The following CADPS variants were observed in gnomAD, a reference collection of about 807,000 sequenced individuals.
CADPS encodes the protein calcium-dependent secretion activator 1.
A neutral mutation model predicts 167.3 loss-of-function variants in CADPS; 57 were observed. The ratio of observed to expected loss-of-function variants is 0.34; its 90% CI spans 0.28 to 0.42. The LOEUF (loss-of-function observed/expected upper bound fraction) is 0.42, where lower values mean the gene tolerates loss of function less well. CADPS is among the 20% of genes least tolerant of loss of function. The pLI, the probability that CADPS is intolerant of heterozygous loss-of-function variation, is 1.00. For missense variants in CADPS, 1,414 were observed against 1,738.1 expected (o/e 0.81, Z 3.32); for synonymous variants, 676 against 635.3 (o/e 1.06, Z -0.96).
At position 62,478,549 on chromosome 3, in the gene CADPS, AGGCGGGGGC is replaced by A; in HGVS notation, c.3174-142_3174-134del. On this transcript the variant is annotated intron_variant, in intron 22 of 29. Coordinates refer to ENST00000383710, the MANE Select transcript of CADPS (RefSeq NM_003716.4). This position sits in a 1 kb window ranked among gnomAD's most constrained non-coding sequence, Gnocchi z 5.7. ...ACAAAACAACGTGTGTTGGCGGTGG[AGGCGGGGGC>A]GAGTCTCCACCGGCAGATTTTGAGT... 4 of 797,896 alleles carry A rather than the reference AGGCGGGGGC, an allele frequency of 5.0e-6. No homozygotes were observed. The highest frequency in any genetic ancestry group is 5.9e-6 in the Non-Finnish European group (3 of 509,390). The allele number at this position is 797,896 out of a possible 1,614,324, so 49.4% of individuals were successfully genotyped here. A position where few individuals can be genotyped will look rare whatever the true frequency, so the allele number is the denominator to read the frequency against.
At chr3:62,733,141 G>A (rs2152171140) in intron 3 of CADPS, among the ~76,000 whole-genome samples, 1 of 152,232 alleles carries the variant, frequency 6.6e-6, no homozygotes. Context: ...CAGAAATCAG[G>A]CCACTCTAAC....
rs9836127 is a variant in CADPS at position 62,783,540 on chromosome 3, A to G, written c.442-17556T>C. Among the ~76,000 whole-genome samples the G allele has an allele frequency of 1.7e-3, 257 of 152,268 alleles. 1 individual carries two copies. The highest frequency in any genetic ancestry group is 6.0e-3 in the African/African-American group (249 of 41,542). ...TCCTGGGGTCTGGAGCTAGACAACT[A>G]TGTGGGACTTGAATTCCGGCTCAGC... On this transcript the variant is annotated intron_variant, in intron 1 of 29. Coordinates refer to ENST00000383710, the MANE Select transcript of CADPS (RefSeq NM_003716.4).
chr3:62,716,098 C>T (rs1326147754), intron 3 of CADPS, among the ~76,000 whole-genome samples: 1 of 151,782 alleles, frequency 6.6e-6, no homozygotes, highest in South Asian at 2.1e-4. Context: ...TTTGCTCTGT[C>T]GTCCAGGCTG....
At chr3:62,513,255 A>G (rs1445763612) in intron 16 of CADPS, among the ~76,000 whole-genome samples, 6 of 152,052 alleles carry the variant, frequency 3.9e-5, no homozygotes, top group Non-Finnish European at 2.9e-5. Flanking sequence ...TTTTGCCCCA[A>G]ATATCCTTTA....
At chr3:62,633,319 T>C (rs1355314893) in intron 6 of CADPS, among the ~76,000 whole-genome samples, 2 of 152,176 alleles carry the variant, frequency 1.3e-5, no homozygotes, top group Non-Finnish European at 2.9e-5. Flanking sequence ...CCCACTCCCA[T>C]TGCTGCTCAT....
intron 11 of CADPS, among the ~76,000 whole-genome samples, chr3:62,540,433 G>A (rs1022761465): frequency 6.6e-5 from 10 of 151,992 alleles, no homozygotes; most frequent in African/African-American, 2.4e-4. Flanking sequence ...CTCAGGAGGG[G>A]TTATTAACTG....
intron 29 of CADPS, among the ~76,000 whole-genome samples, chr3:62,401,296 G>T (rs1706018368): frequency 6.6e-6 from 1 of 152,008 alleles, no homozygotes; most frequent in South Asian, 2.1e-4. Flanking sequence ...TATGATGGGG[G>T]AAAATAAAGG....
At chr3:62,445,933 G>A in intron 26 of CADPS, 136 bp from the exon 27 acceptor site, 1 of 526,550 alleles carries the variant, frequency 1.9e-6, no homozygotes. Context: ...AAAGGTACTA[G>A]AAAATAAAAT....
chr3:62,794,607 C>G, intron 1 of CADPS, among the ~76,000 whole-genome samples: 1 of 151,900 alleles, frequency 6.6e-6, no homozygotes, highest in Non-Finnish European at 1.5e-5. Context: ...TAAATATTAG[C>G]TATTCTTGTT....
At chr3:62,498,450 A>C (rs2065171260) in intron 18 of CADPS, among the ~76,000 whole-genome samples, 1 of 152,174 alleles carries the variant, frequency 6.6e-6, no homozygotes, top group South Asian at 2.1e-4. Context: ...TTTTGAGATG[A>C]GCATTGATAT....
intron 8 of CADPS, among the ~76,000 whole-genome samples, chr3:62,576,183 A>G (rs2082231986): frequency 6.6e-6 from 1 of 152,174 alleles, no homozygotes; most frequent in African/African-American, 2.4e-5. Context: ...GTATGTGGAA[A>G]TCTGGATTTA....
At chr3:62,553,427 C>A (rs1227145991) in intron 10 of CADPS, among the ~76,000 whole-genome samples, 1 of 152,174 alleles carries the variant, frequency 6.6e-6, no homozygotes, top group African/African-American at 2.4e-5. Context: ...TGGTAACTAG[C>A]CCATGGACAC....
chr3:62,466,629 C>T, intron 24 of CADPS: 2 of 600,056 alleles, frequency 3.3e-6, no homozygotes, highest in South Asian at 3.6e-5. Flanking sequence ...TTGTTCCTTA[C>T]TCAAGGCTTT....
chr3:62,551,139 T>A (rs912445145), intron 10 of CADPS, among the ~76,000 whole-genome samples: 2 of 152,180 alleles, frequency 1.3e-5, no homozygotes, highest in Non-Finnish European at 2.9e-5. Context: ...ACTCCAGACT[T>A]GAATATCTTT....
intron 4 of CADPS, among the ~76,000 whole-genome samples, chr3:62,653,532 T>C (rs1020996405): frequency 2.6e-5 from 4 of 152,188 alleles, no homozygotes; most frequent in African/African-American, 9.7e-5. Context: ...AATTAATCAA[T>C]CAATTGTGGA....
chr3:62,696,943 A>G lies in CADPS; in HGVS notation c.889-34549T>C, dbSNP rs189534787. Among the ~76,000 whole-genome samples the G allele has an allele frequency of 9.5e-4, 144 of 152,212 alleles. 1 individual carries two copies. Among genetic ancestry groups the G allele is most frequent in the Non-Finnish European group, 1.7e-3 (114 of 68,018 alleles). On this transcript the variant is annotated intron_variant, in intron 3 of 29. Transcript: ENST00000383710. ...AGGCTGACATATGTACAGTACCCTA[A>G]TATTTATAACACATATTCACAAATT...
intron 1 of CADPS, among the ~76,000 whole-genome samples, chr3:62,866,353 G>A (rs1291170988): frequency 6.6e-6 from 1 of 152,008 alleles, no homozygotes; most frequent in African/African-American, 2.4e-5. Context: ...CTCTTTAGAA[G>A]CTCTCTAGGA....
chr3:62,546,993 T>C (rs1049792664), intron 11 of CADPS, among the ~76,000 whole-genome samples: 1 of 152,224 alleles, frequency 6.6e-6, no homozygotes, highest in African/African-American at 2.4e-5. Context: ...AAATTCCTGG[T>C]TCCTTTCTTG....
intron 3 of CADPS, among the ~76,000 whole-genome samples, chr3:62,730,188 T>A (rs1420980538): frequency 2.0e-5 from 3 of 149,448 alleles, no homozygotes; most frequent in African/African-American, 7.7e-5. Context: ...ATCTGGCCTA[T>A]CCTGACTGAC....
Sources: gnomAD v4.1 joint callset for allele counts (sites outside exome capture counted in the v4.1 genomes callset) on GRCh38, gnomAD v4.1.1 for gene constraint, Gnocchi (gnomAD v3.1) non-coding constraint, MANE v1.5 for transcripts, NCBI Gene and HGNC (gene_info 2026-07-23, HGNC 2026-07-21) for gene names.